Variants in EXOC1L observed in about 807,000 individuals in gnomAD.
The protein encoded by EXOC1L is exocyst complex component 1 like.
Under a neutral mutation model 4.9 loss-of-function variants are expected in EXOC1L, and 10 were observed. That is an observed-to-expected ratio of 2.02 (90% CI 1.25 to 3.43). The LOEUF (loss-of-function observed/expected upper bound fraction) is 3.43, where lower values mean the gene tolerates loss of function less well. EXOC1L is among the 30% of genes most tolerant of loss of function. The pLI is 0.00. For missense variants in EXOC1L, 114 were observed against 59.4 expected, an observed-to-expected ratio of 1.92 and a Z score of -3.02; for synonymous variants, 41 against 20.8, an observed-to-expected ratio of 1.97 and a Z score of -2.63.
intron 2 of EXOC1L, 126 bp downstream of exon 2, chr4:55,831,590 G>T: frequency 2.2e-6 from 1 of 457,932 alleles, no homozygotes; most frequent in South Asian, 4.5e-5. Context: ...TTCGTAAGTG[G>T]CATAGTTTAA....
chr4:55,832,566 A>G (rs1720063309), intron 2 of EXOC1L, among the ~76,000 whole-genome samples: 1 of 151,984 alleles, frequency 6.6e-6, no homozygotes. Context: ...GTTACTTGCT[A>G]CCAACAATAT....
chr4:55,836,219 G>T (rs941633361), intron 2 of EXOC1L, among the ~76,000 whole-genome samples: 1 of 151,840 alleles, frequency 6.6e-6, no homozygotes, highest in Admixed American at 6.6e-5. Context: ...GGCAATGTTT[G>T]CCTCCACTTC....
chr4:55,835,570 T>G (rs1445956582), intron 2 of EXOC1L, among the ~76,000 whole-genome samples: 1 of 151,920 alleles, frequency 6.6e-6, no homozygotes, highest in Non-Finnish European at 1.5e-5. Context: ...AAGGTGGTAT[T>G]GCATAGTGGT....
intron 1 of EXOC1L, among the ~76,000 whole-genome samples, chr4:55,827,564 C>CCAT (rs1385588364): frequency 6.6e-6 from 1 of 152,078 alleles, no homozygotes; most frequent in Non-Finnish European, 1.5e-5. Flanking sequence ...AAAGGGCACT[C>CCAT]GAATATTTAT....
chr4:55,824,540 T>G (rs1443416590), intron 1 of EXOC1L, among the ~76,000 whole-genome samples: 1 of 152,010 alleles, frequency 6.6e-6, no homozygotes, highest in Non-Finnish European at 1.5e-5. Context: ...TTTATTAGTG[T>G]TTTTGTAGAG....
At chr4:55,833,812 C>T (rs184677561) in intron 2 of EXOC1L, among the ~76,000 whole-genome samples, 1 of 151,896 alleles carries the variant, frequency 6.6e-6, no homozygotes, top group African/African-American at 2.4e-5. Flanking sequence ...TTCCCTTTTC[C>T]CTTTCCAATT....
At chr4:55,831,693 G>C (rs73151567) in intron 2 of EXOC1L, among the ~76,000 whole-genome samples, 46 of 151,958 alleles carry the variant, frequency 3.0e-4, no homozygotes, top group African/African-American at 1.1e-3. Context: ...TTTCCCAAGG[G>C]CCATTTAACA....
intron 1 of EXOC1L, among the ~76,000 whole-genome samples, chr4:55,829,916 C>T (rs1719980115): frequency 6.6e-6 from 1 of 152,184 alleles, no homozygotes. Flanking sequence ...CCTAGTGAAT[C>T]CTACTGCCCA....
chr4:55,828,645 A>C (rs1185727561), intron 1 of EXOC1L, among the ~76,000 whole-genome samples: 1 of 152,056 alleles, frequency 6.6e-6, no homozygotes, highest in Non-Finnish European at 1.5e-5. Context: ...CACTATCACT[A>C]TCACTGGGTA....
chr4:55,833,501 C>G (rs1277928060), intron 2 of EXOC1L, among the ~76,000 whole-genome samples: 2 of 151,638 alleles, frequency 1.3e-5, no homozygotes, highest in African/African-American at 2.4e-5. Flanking sequence ...CTGTACTTGT[C>G]AAATTTCTAT....
In EXOC1L at chr4:55,820,157, T is replaced by G. The variant is rs1719703809; in HGVS notation, c.121+10T>G. The G allele has an allele frequency of 2.5e-6, 1 of 398,812 alleles. No individual in the cohort carries two copies. The highest frequency in any genetic ancestry group is 2.1e-5 in the African/African-American group (1 of 48,618). The allele number at this position is 398,812 out of a possible 1,614,324, so 24.7% of individuals were successfully genotyped here. A position where few individuals can be genotyped will look rare whatever the true frequency, so the allele number is the denominator to read the frequency against. ...TACCTCTGTGTGTCAGGTAATCTGT[T>G]CCTTCTGTTATCATTTCAAAAAGCA... On this transcript the variant is annotated intron_variant, in intron 1 of 2. Coordinates refer to ENST00000636125, the MANE Select transcript of EXOC1L (RefSeq NM_001351574.3).
intron 1 of EXOC1L, 70 bp downstream of exon 1, chr4:55,820,217 T>G (rs541532374): frequency 4.3e-4 from 163 of 379,338 alleles, no homozygotes; most frequent in Middle Eastern, 2.0e-3. Flanking sequence ...TAGAGGGAAT[T>G]TTTTTTTTTT....
chr4:55,825,966 T>C (rs941085450), intron 1 of EXOC1L, among the ~76,000 whole-genome samples: 1 of 150,862 alleles, frequency 6.6e-6, no homozygotes, highest in African/African-American at 2.4e-5. Flanking sequence ...GCGCCTGTAA[T>C]CCCAGCTACT....
chr4:55,822,418 G>T (rs1719769885), intron 1 of EXOC1L, among the ~76,000 whole-genome samples: 1 of 152,166 alleles, frequency 6.6e-6, no homozygotes. Flanking sequence ...CCTGGAACTA[G>T]CGTCCCCTAC....
intron 2 of EXOC1L, among the ~76,000 whole-genome samples, chr4:55,835,789 C>T (rs1243897890): frequency 6.6e-6 from 1 of 152,000 alleles, no homozygotes; most frequent in African/African-American, 2.4e-5. Flanking sequence ...CAAAGATTTT[C>T]TCCCACTCTG....
chr4:55,820,104 A>G lies in EXOC1L; in HGVS notation c.78A>G (p.Glu26=), dbSNP rs761792382. 2 of 399,062 alleles carry G rather than the reference A, an allele frequency of 5.0e-6. No individual in the cohort carries two copies. The highest frequency in any genetic ancestry group is 8.8e-6 in the Non-Finnish European group (2 of 226,060). 24.7% of individuals were successfully genotyped at this position (399,062 alleles called of 1,614,324 possible). The change falls in exon 1 of 3, where the codon GAA becomes GAG. Residue 26 remains glutamate, a synonymous_variant. Coordinates refer to ENST00000636125, the MANE Select transcript of EXOC1L (RefSeq NM_001351574.3). ...CGCAGAATCTGTACGAGTTTATTGA[A>G]ATAGAGTTCTCCGTCCAGGACAGGT... ...PLSQNLYEFI[E]IEFSVQDRYY...
chr4:55,821,118 G>A lies in EXOC1L; in HGVS notation c.121+971G>A, dbSNP rs144839492. On this transcript the variant is annotated intron_variant, in intron 1 of 2. Transcript: ENST00000636125. ...TTAGAAGGCCTTTCAAAGTTGTCAG[G>A]AGGGAGTGCTGTAAGGGAAATAGAA... 5.1e-4 allele frequency among the ~76,000 whole-genome samples: 78 copies of A among 152,228 alleles called. No homozygotes were observed. The East Asian group carries it at 0.013, about 26-fold the overall frequency.
intron 1 of EXOC1L, among the ~76,000 whole-genome samples, chr4:55,822,181 T>A (rs1719761762): frequency 6.6e-6 from 1 of 152,216 alleles, no homozygotes; most frequent in African/African-American, 2.4e-5. Flanking sequence ...AACAAAAATA[T>A]GTTTAAATAT....
chr4:55,822,368 G>A (rs765870127), intron 1 of EXOC1L, among the ~76,000 whole-genome samples: 11 of 152,158 alleles, frequency 7.2e-5, no homozygotes, highest in South Asian at 4.1e-4. Flanking sequence ...TCCTGGGACC[G>A]CAGCCCACTC....
Sources: allele counts gnomAD v4.1 joint callset (sites outside exome capture counted in the v4.1 genomes callset), GRCh38; gene constraint gnomAD v4.1.1; transcripts MANE v1.5; gene names NCBI Gene and HGNC (gene_info 2026-07-23, HGNC 2026-07-21).